Variants in MAPRE3 observed in about 807,000 individuals in gnomAD.
MAPRE3 encodes microtubule associated protein RP/EB family member 3.
A neutral mutation model predicts 30.5 loss-of-function variants in MAPRE3; 2 were observed. The observed-to-expected ratio is 0.07, with a 90% CI of 0.03 to 0.21. MAPRE3 has a LOEUF of 0.21. Ranked by LOEUF, MAPRE3 falls within the 10% of genes least tolerant of loss-of-function variation. MAPRE3 has a pLI of 1.00. For synonymous variants in MAPRE3, 110 were observed against 127.7 expected, an observed-to-expected ratio of 0.86 and a Z score of 0.93; for missense variants, 204 against 351.8, an observed-to-expected ratio of 0.58 and a Z score of 3.36.
chr2:26,988,951 G>T (rs980564650), intron 1 of MAPRE3, among the ~76,000 whole-genome samples: 2 of 152,142 alleles, frequency 1.3e-5, no homozygotes, highest in Non-Finnish European at 2.9e-5. Context: ...TTCTCTCTTT[G>T]TATCCCCTTG....
At chr2:27,012,481 A>G (rs1330503115) in intron 1 of MAPRE3, 1 of 152,182 alleles carries the variant, frequency 6.6e-6, no homozygotes, top group African/African-American at 2.4e-5. Context: ...TGAGGTAACA[A>G]CTCAAAGGCT....
At chr2:27,008,368 C>T (rs1240776266) in intron 1 of MAPRE3, among the ~76,000 whole-genome samples, 4 of 152,038 alleles carry the variant, frequency 2.6e-5, no homozygotes, top group Admixed American at 2.0e-4. Flanking sequence ...GGAGGAGGAT[C>T]GCTTGAGCCT....
chr2:27,004,261 C>T (rs1453700334), intron 1 of MAPRE3, among the ~76,000 whole-genome samples: 1 of 152,130 alleles, frequency 6.6e-6, no homozygotes, highest in African/African-American at 2.4e-5. Flanking sequence ...CCACATAGCT[C>T]AATGTGCCTG....
intron 1 of MAPRE3, among the ~76,000 whole-genome samples, chr2:26,995,025 A>G (rs1455966505): frequency 3.9e-5 from 6 of 152,072 alleles, no homozygotes; most frequent in African/African-American, 1.2e-4. Flanking sequence ...TTGTTGCTCA[A>G]GACGGAATCT....
chr2:26,997,879 GA>G (rs1666500344), intron 1 of MAPRE3, among the ~76,000 whole-genome samples: 1 of 152,178 alleles, frequency 6.6e-6, no homozygotes, highest in Non-Finnish European at 1.5e-5. Flanking sequence ...TATTAGAAGG[GA>G]CCTTAAGAAG....
At position 26,986,861 on chromosome 2, in the gene MAPRE3, G is replaced by C. The variant is rs192190273; in HGVS notation, c.-8+16059G>C. The C allele has an allele frequency of 6.6e-6, 1 of 152,356 alleles. No homozygotes were observed. Among genetic ancestry groups the C allele is most frequent in the Non-Finnish European group, 1.5e-5 (1 of 68,102 alleles). The allele number at this position is 152,356 out of a possible 1,614,324, so 9.4% of individuals were successfully genotyped here. ...ATGCTTGTTTGAATGGAGAGTGAGA[G>C]GGCTGTGGGAGATGCTATGGAAGAT... is the stretch of plus-strand genomic sequence containing the variant. On this transcript the variant is annotated intron_variant, in intron 1 of 6. Transcript: ENST00000233121. This position sits in a 1 kb window ranked among gnomAD's most constrained non-coding sequence, Gnocchi z 4.2.
At chr2:27,024,020 C>T (rs1667174272) in intron 3 of MAPRE3, 76 bp from the exon 4 acceptor site, 1 of 1,158,418 alleles carries the variant, frequency 8.6e-7, no homozygotes, top group Admixed American at 1.8e-5. Flanking sequence ...TTCCTGAGAG[C>T]AGTGGCCCTC....
chr2:27,023,300 A>G (rs780585927), intron 2 of MAPRE3, 32 bp from the exon 3 acceptor site: 1 of 1,580,790 alleles, frequency 6.3e-7, no homozygotes, highest in Non-Finnish European at 8.6e-7. Context: ...GGAGAGCAGC[A>G]AGACCCCTCA....
At position 27,025,599 on chromosome 2, in the gene MAPRE3, C is replaced by T. The variant is rs759173259; in HGVS notation, c.486C>T (p.Ser162=). The change falls in exon 5 of 7, where the codon TCC becomes TCT. Residue 162 remains serine, a synonymous_variant. Coordinates refer to ENST00000233121, the MANE Select transcript of MAPRE3 (RefSeq NM_012326.4). ...LIGTAVPQRT[S]PTGPKNMQTS... is the part of the protein sequence containing the mutation. ...TCTGGGCAGTTCCACAGAGGACGTC[C>T]CCCACAGGCCCAAAAAACATGCAGA... 3.2e-5 allele frequency: 51 copies of T among 1,583,384 alleles called. No homozygotes were observed. In the East Asian group the frequency reaches 1.1e-3, roughly 35 times the overall value.
chr2:26,995,310 A>G (rs1666428298), intron 1 of MAPRE3, among the ~76,000 whole-genome samples: 1 of 152,168 alleles, frequency 6.6e-6, no homozygotes, highest in African/African-American at 2.4e-5. Flanking sequence ...CTGCAGTCCT[A>G]TTTTGTCCTA....
At chr2:26,993,575 G>GA (rs1171850322) in intron 1 of MAPRE3, among the ~76,000 whole-genome samples, 1 of 152,124 alleles carries the variant, frequency 6.6e-6, no homozygotes, top group African/African-American at 2.4e-5. Context: ...TCCAGGGATA[G>GA]AAAAAATTCC....
chr2:27,003,822 G>T (rs1159867638), intron 1 of MAPRE3, among the ~76,000 whole-genome samples: 1 of 152,016 alleles, frequency 6.6e-6, no homozygotes, highest in Non-Finnish European at 1.5e-5. Context: ...CCGGCCCCAT[G>T]TCAAAGATTA....
intron 4 of MAPRE3, 73 bp downstream of exon 4, chr2:27,024,370 T>A: frequency 7.2e-7 from 1 of 1,398,464 alleles, no homozygotes; most frequent in East Asian, 2.4e-5. Context: ...GAGTGCCCCC[T>A]GGGCCACGGC....
intron 1 of MAPRE3, among the ~76,000 whole-genome samples, chr2:27,010,562 C>T (rs1308968547): frequency 6.6e-6 from 1 of 151,642 alleles, no homozygotes; most frequent in East Asian, 1.9e-4. Flanking sequence ...CCTATCTCAG[C>T]CTCCCAAGAA....
chr2:27,004,036 C>T (rs1313037980), intron 1 of MAPRE3, among the ~76,000 whole-genome samples: 1 of 152,320 alleles, frequency 6.6e-6, no homozygotes, highest in Non-Finnish European at 1.5e-5. Context: ...TACACTTCCC[C>T]TTCCATGAGT....
chr2:27,025,502 C>G, intron 4 of MAPRE3, 81 bp from the exon 5 acceptor site: 1 of 1,416,488 alleles, frequency 7.1e-7, no homozygotes, highest in Non-Finnish European at 9.6e-7. Context: ...GGCCTGCCCC[C>G]GCAGTCCTCA....
chr2:27,020,212 A>G (rs1366195302), intron 1 of MAPRE3, among the ~76,000 whole-genome samples: 1 of 152,214 alleles, frequency 6.6e-6, no homozygotes, highest in African/African-American at 2.4e-5. Context: ...AAGGCTGAAG[A>G]GGTGGGGTCC....
chr2:27,004,052 G>C (rs1666667381), intron 1 of MAPRE3, among the ~76,000 whole-genome samples: 2 of 152,194 alleles, frequency 1.3e-5, no homozygotes, highest in Admixed American at 1.3e-4. Flanking sequence ...TGAGTCATCT[G>C]TCAAGAGGCT....
intron 6 of MAPRE3, 41 bp from the exon 7 acceptor site, chr2:27,026,239 C>T: frequency 6.3e-7 from 1 of 1,578,596 alleles, no homozygotes; most frequent in Non-Finnish European, 8.6e-7. Flanking sequence ...CCCTGCCTGG[C>T]CTGCCTGGCC....
Sources: gnomAD v4.1 joint callset for allele counts (sites outside exome capture counted in the v4.1 genomes callset) on GRCh38, gnomAD v4.1.1 for gene constraint, Gnocchi (gnomAD v3.1) non-coding constraint, MANE v1.5 for transcripts, NCBI Gene and HGNC (gene_info 2026-07-23, HGNC 2026-07-21) for gene names.